The following TP53BP1 variants were observed in gnomAD, a reference collection of about 807,000 sequenced individuals.
TP53BP1 encodes TP53-binding protein 1.
A neutral mutation model predicts 200.8 loss-of-function variants in TP53BP1; 61 were observed. The observed-to-expected ratio is 0.30, with a 90% CI of 0.25 to 0.38. The LOEUF is 0.38. Among genes scored for constraint, TP53BP1 ranks in the 10% least tolerant of loss-of-function variants. TP53BP1 has a pLI of 1.00. For missense variants in TP53BP1, 2,144 were observed against 2,371.9 expected (o/e 0.90, Z 2.00); for synonymous variants, 822 against 844.3 (o/e 0.97, Z 0.46).
intron 17 of TP53BP1, among the ~76,000 whole-genome samples, chr15:43,428,583 T>C (rs1251587488): frequency 6.6e-6 from 1 of 152,190 alleles, no homozygotes; most frequent in African/African-American, 2.4e-5. Context: ...CTTTAGTCCT[T>C]TATATAAAAC....
At chr15:43,465,118 C>T (rs914930721) in intron 11 of TP53BP1, among the ~76,000 whole-genome samples, 1 of 151,832 alleles carries the variant, frequency 6.6e-6, no homozygotes, top group Admixed American at 6.6e-5. Context: ...TATGAAATGT[C>T]CAGAATAGGC....
At chr15:43,436,578 A>G (rs1322329055) in intron 16 of TP53BP1, among the ~76,000 whole-genome samples, 1 of 151,504 alleles carries the variant, frequency 6.6e-6, no homozygotes, top group East Asian at 2.0e-4. Flanking sequence ...AGGTTCAACC[A>G]ATCATCCCAC....
At chr15:43,508,354 C>G (rs1011741086) in intron 1 of TP53BP1, among the ~76,000 whole-genome samples, 40 of 151,862 alleles carry the variant, frequency 2.6e-4, no homozygotes, top group African/African-American at 9.4e-4. Flanking sequence ...AGCAAGACTC[C>G]GTCTCAAAAA....
At chr15:43,423,690 T>C (rs932801120) in intron 18 of TP53BP1, among the ~76,000 whole-genome samples, 8 of 151,966 alleles carry the variant, frequency 5.3e-5, no homozygotes, top group Non-Finnish European at 1.2e-4. Flanking sequence ...GGGGAGACTG[T>C]ATATAATGAC....
chr15:43,420,997 C>T, intron 20 of TP53BP1, 28 bp downstream of exon 20: 1 of 1,596,850 alleles, frequency 6.3e-7, no homozygotes, highest in Non-Finnish European at 8.5e-7. Context: ...GAACAACAGA[C>T]TAAGTATATC....
At position 43,456,756 on chromosome 15, in the gene TP53BP1, C is replaced by G. The variant is rs1298118569; in HGVS notation, c.1852G>C (p.Glu618Gln). The G allele has an allele frequency of 6.2e-7, 1 of 1,614,092 alleles. No homozygotes were observed. Among genetic ancestry groups the G allele is most frequent in the Non-Finnish European group, 8.5e-7 (1 of 1,180,044 alleles). ...GCKGREETVA[E>Q]DVCIDLTCDS... The stretch of plus-strand genomic sequence containing the variant: ...CAAGTGAGATCAATACAAACATCTT[C>G]TGCTACCGTTTCTTCTCTGCCCTTG... The change falls in exon 12 of 28, where the codon GAA becomes CAA. Residue 618 changes from glutamate to glutamine, a missense_variant. Coordinates refer to ENST00000382044, the MANE Select transcript of TP53BP1 (RefSeq NM_001141980.3).
Position 43,405,288 on chromosome 15 carries a change from C to A in TP53BP1, c.*2095G>T. ...AACAGAAGATTCAAAACATCCCATT[C>A]TAGCCACACACAAATAAATATCTGC... is the stretch of plus-strand genomic sequence containing the variant. On this transcript the variant is annotated 3_prime_UTR_variant, in exon 28 of 28. Transcript: ENST00000382044. The A allele has an allele frequency of 6.6e-7, 1 of 1,524,222 alleles. No individual in the cohort carries two copies. Among genetic ancestry groups the A allele is most frequent in the Non-Finnish European group, 9.1e-7 (1 of 1,099,356 alleles). The allele number at this position is 1,524,222 out of a possible 1,614,324, so 94.4% of individuals were successfully genotyped here.
At chr15:43,509,714 G>A (rs2079260767) in intron 1 of TP53BP1, among the ~76,000 whole-genome samples, 1 of 152,126 alleles carries the variant, frequency 6.6e-6, no homozygotes, top group Non-Finnish European at 1.5e-5. Flanking sequence ...CGGCCGCTGT[G>A]AAGTATTTAA....
intron 1 of TP53BP1, among the ~76,000 whole-genome samples, chr15:43,504,224 A>ACCTCAAGTGATACTTTTG (rs1457419486): frequency 6.6e-6 from 1 of 152,176 alleles, no homozygotes; most frequent in African/African-American, 2.4e-5. Flanking sequence ...GCTCACTGCA[A>ACCTCAAGTGATACTTTTG]CCTCAAGTGA....
intron 17 of TP53BP1, among the ~76,000 whole-genome samples, chr15:43,430,136 G>A (rs1475553168): frequency 1.3e-5 from 2 of 152,142 alleles, no homozygotes; most frequent in African/African-American, 4.8e-5. Flanking sequence ...CACCATTAAG[G>A]GAAGGAAACA....
At chr15:43,491,922 C>T in intron 3 of TP53BP1, 80 bp downstream of exon 3, 1 of 1,230,388 alleles carries the variant, frequency 8.1e-7, no homozygotes, top group Non-Finnish European at 1.2e-6. Flanking sequence ...TCGACACAAC[C>T]ACATAAAGTT....
chr15:43,403,926 T>C lies in TP53BP1; in HGVS notation c.*3457A>G, dbSNP rs2044766636. 3 of 678,444 alleles carry C rather than the reference T, an allele frequency of 4.4e-6. No individual in the cohort carries two copies. The highest frequency in any genetic ancestry group is 2.5e-4 in the Middle Eastern group (1 of 4,056). 42.0% of individuals were successfully genotyped at this position (678,444 alleles called of 1,614,324 possible). A position where few individuals can be genotyped will look rare whatever the true frequency, so the allele number is the denominator to read the frequency against. On this transcript the variant is annotated 3_prime_UTR_variant, in exon 28 of 28. Transcript: ENST00000382044. Reference sequence around the variant, plus strand: ...AATACACACACGTACAGAGATAAGATACAAAGATAAAAATGTTGGTATCAG... The same window carrying C: ...AATACACACACGTACAGAGATAAGACACAAAGATAAAAATGTTGGTATCAG...
chr15:43,497,703 G>A (rs1350764906), upstream of TP53BP1, among the ~76,000 whole-genome samples: 1 of 152,192 alleles, frequency 6.6e-6, no homozygotes, highest in Non-Finnish European at 1.5e-5. Context: ...AAAGTAGAAT[G>A]GTGGCTGCCA....
intron 16 of TP53BP1, among the ~76,000 whole-genome samples, chr15:43,437,835 A>T (rs898478634): frequency 3.3e-5 from 5 of 152,232 alleles, no homozygotes; most frequent in Non-Finnish European, 7.3e-5. Context: ...TTCTGCTGCT[A>T]TAACAGAATT....
intron 12 of TP53BP1, among the ~76,000 whole-genome samples, chr15:43,450,122 A>G (rs761106303): frequency 3.3e-5 from 5 of 152,226 alleles, no homozygotes; most frequent in Non-Finnish European, 5.9e-5. Flanking sequence ...TCAGCATACC[A>G]AACAATAATG....
chr15:43,422,764 CAGA>C (rs1282906980), intron 18 of TP53BP1, among the ~76,000 whole-genome samples: 1 of 152,096 alleles, frequency 6.6e-6, no homozygotes, highest in Admixed American at 6.5e-5. Flanking sequence ...GAGGCCAAGG[CAGA>C]AGGACTGCTT....
At chr15:43,440,704 A>G (rs908013847) in intron 15 of TP53BP1, among the ~76,000 whole-genome samples, 1 of 151,994 alleles carries the variant, frequency 6.6e-6, no homozygotes, top group African/African-American at 2.4e-5. Context: ...CCTGGGCAAC[A>G]TAGTAAAATC....
intron 21 of TP53BP1, 105 bp downstream of exon 21, chr15:43,420,200 G>A: frequency 1.8e-6 from 2 of 1,123,668 alleles, no homozygotes. Context: ...TGACTTTAGA[G>A]ACACTGGAAA....
intron 18 of TP53BP1, among the ~76,000 whole-genome samples, chr15:43,424,563 T>C (rs1329293526): frequency 2.0e-5 from 3 of 152,260 alleles, no homozygotes. Context: ...ACATAGTATG[T>C]GCTCAATAAA....
Sources: gnomAD v4.1 joint callset for allele counts (sites outside exome capture counted in the v4.1 genomes callset) on GRCh38, gnomAD v4.1.1 for gene constraint, MANE v1.5 for transcripts, NCBI Gene and HGNC (gene_info 2026-07-23, HGNC 2026-07-21) for gene names.